Variants in STK3 observed in about 807,000 individuals in gnomAD.
STK3 encodes serine/threonine kinase 3, also known as serine/threonine-protein kinase 3.
In STK3, 41 loss-of-function variants were observed where a neutral mutation model predicts 58.0. That is an observed-to-expected ratio of 0.71 (90% CI 0.55 to 0.92). STK3 has a LOEUF of 0.92. Among genes scored for constraint, STK3 ranks in the 40% least tolerant of loss-of-function variants. The pLI is 0.00. For missense variants in STK3, 479 were observed against 602.7 expected (o/e 0.79, Z 2.15); for synonymous variants, 170 against 191.0 (o/e 0.89, Z 0.91).
At chr8:98,888,798 C>G (rs749210744) in intron 1 of STK3, among the ~76,000 whole-genome samples, 29 of 152,232 alleles carry the variant, frequency 1.9e-4, no homozygotes, top group Non-Finnish European at 3.5e-4. Context: ...AACTAGCACA[C>G]CAGTCACCAT....
chr8:98,563,336 G>A (rs1812211300), intron 8 of STK3, among the ~76,000 whole-genome samples: 1 of 151,894 alleles, frequency 6.6e-6, no homozygotes, highest in Non-Finnish European at 1.5e-5. Context: ...GAATAATAAT[G>A]GATTAGAGTC....
At chr8:98,662,968 G>C (rs1822074279) in intron 6 of STK3, among the ~76,000 whole-genome samples, 1 of 152,004 alleles carries the variant, frequency 6.6e-6, no homozygotes, top group Non-Finnish European at 1.5e-5. Context: ...CATAGGCATG[G>C]GCAAGGACTT....
chr8:98,942,056 C>T (rs1349213458), intron 1 of STK3, among the ~76,000 whole-genome samples: 2 of 152,250 alleles, frequency 1.3e-5, no homozygotes, highest in Non-Finnish European at 2.9e-5. Flanking sequence ...GGCCTTTCTG[C>T]GCCGAGGGCT....
intron 9 of STK3, 115 bp downstream of exon 9, chr8:98,547,854 A>G (rs1463078711): frequency 4.0e-6 from 4 of 989,150 alleles, no homozygotes; most frequent in Non-Finnish European, 4.0e-6. Context: ...ACATAAATCT[A>G]AGAAACAAAA....
intron 6 of STK3, among the ~76,000 whole-genome samples, chr8:98,650,725 T>A (rs1587156135): frequency 6.6e-6 from 1 of 151,946 alleles, no homozygotes; most frequent in Non-Finnish European, 1.5e-5. Flanking sequence ...GCCCACGGAG[T>A]CTCGCTGATT....
intron 2 of STK3, among the ~76,000 whole-genome samples, chr8:98,773,690 TAACA>T (rs1255248498): frequency 1.3e-5 from 2 of 152,184 alleles, no homozygotes; most frequent in African/African-American, 4.8e-5. Flanking sequence ...TCATTTACTC[TAACA>T]GTTTGTCTTT....
chr8:98,835,848 C>T (rs1835726693), intron 3 of STK3, among the ~76,000 whole-genome samples: 1 of 152,136 alleles, frequency 6.6e-6, no homozygotes, highest in Non-Finnish European at 1.5e-5. Context: ...GCTGTTATTC[C>T]TGTTGTCTTA....
chr8:98,507,349 A>G (rs762018805), intron 10 of STK3, among the ~76,000 whole-genome samples: 31 of 152,230 alleles, frequency 2.0e-4, no homozygotes, highest in Non-Finnish European at 3.7e-4. Flanking sequence ...TGTTCAAACA[A>G]AAAACCTTGG....
At chr8:98,700,413 C>T (rs1825472169) in intron 6 of STK3, among the ~76,000 whole-genome samples, 1 of 152,194 alleles carries the variant, frequency 6.6e-6, no homozygotes, top group South Asian at 2.1e-4. Flanking sequence ...GTGAGATGAA[C>T]CCAGTACCTC....
At chr8:98,889,219 G>A (rs1172389414) in intron 1 of STK3, among the ~76,000 whole-genome samples, 1 of 152,224 alleles carries the variant, frequency 6.6e-6, no homozygotes, top group African/African-American at 2.4e-5. Context: ...AAGATGGTAT[G>A]AGAGCCAGTG....
At chr8:98,391,951 A>G (rs1427204828), upstream of STK3, among the ~76,000 whole-genome samples, 1 of 152,178 alleles carries the variant, frequency 6.6e-6, no homozygotes, top group African/African-American at 2.4e-5. Context: ...TATCCCAGTT[A>G]CTGAAAAACT....
chr8:98,422,692 C>T (rs1387186819), intron 3 of STK3, among the ~76,000 whole-genome samples: 5 of 152,226 alleles, frequency 3.3e-5, no homozygotes, highest in Non-Finnish European at 7.3e-5. Flanking sequence ...CAGGCAGGCC[C>T]TGCCCTAAGA....
At chr8:98,721,113 A>G in intron 4 of STK3, 1 of 985,388 alleles carries the variant, frequency 1.0e-6, no homozygotes, top group South Asian at 4.7e-5. Context: ...CCCTGAGTAC[A>G]TTAATGGGTG....
At chr8:98,372,959 G>C (rs532807795) in intron 2 of STK3, among the ~76,000 whole-genome samples, 35 of 152,192 alleles carry the variant, frequency 2.3e-4, no homozygotes, top group African/African-American at 8.0e-4. Flanking sequence ...AATATTATCA[G>C]TCTTACTCTG....
chr8:98,932,459 C>T (rs1389668392), intron 1 of STK3, among the ~76,000 whole-genome samples: 1 of 152,120 alleles, frequency 6.6e-6, no homozygotes, highest in Non-Finnish European at 1.5e-5. Context: ...AAACAGTACT[C>T]CCCAGGTTTA....
intron 6 of STK3, among the ~76,000 whole-genome samples, chr8:98,646,052 A>C (rs1820375036): frequency 6.6e-6 from 1 of 152,220 alleles, no homozygotes; most frequent in Non-Finnish European, 1.5e-5. Context: ...CTAAACTGCT[A>C]AGAATCAACA....
intron 6 of STK3, among the ~76,000 whole-genome samples, chr8:98,631,224 T>C (rs1348382423): frequency 6.6e-6 from 1 of 152,186 alleles, no homozygotes; most frequent in African/African-American, 2.4e-5. Flanking sequence ...ACGAGCCGTT[T>C]AAATCACACA....
chr8:98,725,066 C>A (rs1486950176), intron 4 of STK3, among the ~76,000 whole-genome samples: 3 of 152,178 alleles, frequency 2.0e-5, no homozygotes, highest in Non-Finnish European at 4.4e-5. Context: ...AAGTTCCCTG[C>A]AGCTTTGAGT....
chr8:98,727,336 C>T (rs1438805818), intron 4 of STK3, among the ~76,000 whole-genome samples: 5 of 152,082 alleles, frequency 3.3e-5, no homozygotes, highest in Admixed American at 6.5e-5. Flanking sequence ...TGAGTGAGGC[C>T]AAGAAAGAGG....
Sources: gnomAD v4.1 joint callset for allele counts (sites outside exome capture counted in the v4.1 genomes callset) on GRCh38, gnomAD v4.1.1 for gene constraint, MANE v1.5 for transcripts, NCBI Gene and HGNC (gene_info 2026-07-23, HGNC 2026-07-21) for gene names.